Variants in HCN1 observed in about 807,000 individuals in gnomAD.
HCN1 encodes hyperpolarization activated cyclic nucleotide gated potassium channel 1.
In HCN1, 13 loss-of-function variants were observed where a neutral mutation model predicts 78.9. The observed-to-expected ratio is 0.16, with a 90% confidence interval of 0.11 to 0.26. The LOEUF is 0.26. HCN1 is among the 10% of genes least tolerant of loss of function. HCN1 has a pLI of 1.00. For missense variants in HCN1, 810 were observed against 1,154.3 expected, an observed-to-expected ratio of 0.70 and a Z score of 4.32; for synonymous variants, 552 against 455.5, an observed-to-expected ratio of 1.21 and a Z score of -2.70.
intron 2 of HCN1, among the ~76,000 whole-genome samples, chr5:45,614,548 A>ACC (rs1374166416): frequency 6.6e-6 from 1 of 152,074 alleles, no homozygotes; most frequent in African/African-American, 2.4e-5. Flanking sequence ...GTTTAAAGTT[A>ACC]CCTCAGGCTT....
intron 2 of HCN1, 36 bp from the exon 3 acceptor site, chr5:45,462,043 A>C: frequency 1.3e-6 from 2 of 1,563,406 alleles, no homozygotes; most frequent in Non-Finnish European, 1.8e-6. Context: ...TCTTATAATC[A>C]ATTTTTTAGA....
At chr5:45,272,753 AT>A (rs915931280) in intron 6 of HCN1, among the ~76,000 whole-genome samples, 2 of 150,866 alleles carry the variant, frequency 1.3e-5, no homozygotes, top group African/African-American at 2.4e-5. Context: ...AGATTTGGTC[AT>A]TTTTTTTTCA....
intron 2 of HCN1, among the ~76,000 whole-genome samples, chr5:45,550,649 TA>T (rs1223589107): frequency 6.6e-6 from 1 of 151,658 alleles, no homozygotes; most frequent in African/African-American, 2.4e-5. Context: ...GTATAATTTT[TA>T]AAAAAAGGTA....
At chr5:45,677,971 AACACATACACAC>A (rs1739619499) in intron 1 of HCN1, among the ~76,000 whole-genome samples, 1 of 145,762 alleles carries the variant, frequency 6.9e-6, no homozygotes, top group Non-Finnish European at 1.5e-5. Flanking sequence ...CCAAAGATTA[AACACATACACAC>A]ACACATACAC....
chr5:45,640,688 C>T (rs1487294276), intron 2 of HCN1, among the ~76,000 whole-genome samples: 2 of 151,606 alleles, frequency 1.3e-5, no homozygotes, highest in East Asian at 2.0e-4. Flanking sequence ...TGTTCTCCTG[C>T]CTCAGCCTCC....
chr5:45,392,222 C>A (rs1739581132), intron 4 of HCN1, among the ~76,000 whole-genome samples: 1 of 151,850 alleles, frequency 6.6e-6, no homozygotes, highest in African/African-American at 2.4e-5. Context: ...CTGGGTGTAC[C>A]ATTAGCTTAC....
At chr5:45,652,049 G>A (rs1432602808) in intron 1 of HCN1, among the ~76,000 whole-genome samples, 1 of 151,848 alleles carries the variant, frequency 6.6e-6, no homozygotes, top group Non-Finnish European at 1.5e-5. Context: ...AATATGAGAT[G>A]GGTGGGTGGT....
chr5:45,587,578 T>G (rs1744259433), intron 2 of HCN1, among the ~76,000 whole-genome samples: 1 of 151,372 alleles, frequency 6.6e-6, no homozygotes, highest in African/African-American at 2.4e-5. Context: ...AGGGATAGCA[T>G]TAGGAGATAT....
At chr5:45,273,725 T>G (rs1250173204) in intron 6 of HCN1, among the ~76,000 whole-genome samples, 2 of 152,182 alleles carry the variant, frequency 1.3e-5, no homozygotes, top group African/African-American at 4.8e-5. Context: ...ATCAAAATAC[T>G]AATTTCCTAT....
intron 7 of HCN1, among the ~76,000 whole-genome samples, chr5:45,264,253 G>A (rs1744810082): frequency 6.6e-6 from 1 of 152,108 alleles, no homozygotes; most frequent in African/African-American, 2.4e-5. Context: ...CATCTTCTGA[G>A]TGGTTTGCAA....
chr5:45,418,329 C>T (rs1740159080), intron 3 of HCN1, among the ~76,000 whole-genome samples: 1 of 150,990 alleles, frequency 6.6e-6, no homozygotes, highest in African/African-American at 2.4e-5. Flanking sequence ...CGTTTTTCTA[C>T]ATTATACATG....
At chr5:45,599,876 T>C (rs1279040238) in intron 2 of HCN1, among the ~76,000 whole-genome samples, 1 of 152,110 alleles carries the variant, frequency 6.6e-6, no homozygotes, top group African/African-American at 2.4e-5. Context: ...GAAATAAATG[T>C]GAAACTGAAT....
At chr5:45,544,491 A>C (rs1249519699) in intron 2 of HCN1, among the ~76,000 whole-genome samples, 1 of 151,876 alleles carries the variant, frequency 6.6e-6, no homozygotes, top group Non-Finnish European at 1.5e-5. Context: ...CATGTGCACA[A>C]TGTGCAGGTT....
rs1343801254 is a variant in HCN1, at chr5:45,355,313, T to C, written c.1231-2067A>G. Among the ~76,000 whole-genome samples the C allele has an allele frequency of 5.3e-5, 8 of 151,994 alleles. No homozygotes were observed. In the Admixed American group the frequency reaches 5.3e-4, roughly 10 times the overall value. ...TAGCAAACATTAAATGATTATTGTATGCCAGTAGTTCTCAAGGTGTGGTTG... is the reference window on the plus strand; with the variant it reads ...TAGCAAACATTAAATGATTATTGTACGCCAGTAGTTCTCAAGGTGTGGTTG... On this transcript the variant is annotated intron_variant, in intron 4 of 7. Transcript: ENST00000303230.
chr5:45,396,402 G>A, intron 4 of HCN1, 90 bp downstream of exon 4: 2 of 888,634 alleles, frequency 2.3e-6, no homozygotes, highest in East Asian at 2.7e-5. Flanking sequence ...TTTTTTTATA[G>A]AGGAGATGGT....
intron 2 of HCN1, among the ~76,000 whole-genome samples, chr5:45,579,207 A>G (rs1744007637): frequency 6.6e-6 from 1 of 152,122 alleles, no homozygotes; most frequent in South Asian, 2.1e-4. Context: ...AAATTCTCAA[A>G]GTTTACAAAT....
In HCN1 at chr5:45,465,464, G is replaced by A. The variant is rs186575139; in HGVS notation, c.850-3457C>T. ...GTCAACTGAAAAAAATGTAATTAAA[G>A]TAAGTTTTTCAGCCAGGTGCGGGGG... On this transcript the variant is annotated intron_variant, in intron 2 of 7. Transcript: ENST00000303230. 3.2e-4 allele frequency among the ~76,000 whole-genome samples: 49 copies of A among 152,078 alleles called. 1 individual carries two copies. In the East Asian group the frequency reaches 7.4e-3, roughly 23 times the overall value.
intron 5 of HCN1, among the ~76,000 whole-genome samples, chr5:45,317,055 G>GA (rs911486755): frequency 4.0e-5 from 6 of 151,790 alleles, no homozygotes; most frequent in South Asian, 2.1e-4. Context: ...AAAAAATTGG[G>GA]AAAAAAACTA....
At chr5:45,311,950 T>C (rs1256001963) in intron 5 of HCN1, among the ~76,000 whole-genome samples, 1 of 152,220 alleles carries the variant, frequency 6.6e-6, no homozygotes, top group African/African-American at 2.4e-5. Context: ...TGCTGCAAAC[T>C]ATTTCCTCAA....
Sources: gnomAD v4.1 joint callset for allele counts (sites outside exome capture counted in the v4.1 genomes callset) on GRCh38, gnomAD v4.1.1 for gene constraint, MANE v1.5 for transcripts, NCBI Gene and HGNC (gene_info 2026-07-23, HGNC 2026-07-21) for gene names.